EFR3B: variants seen among roughly 807,000 people sequenced by gnomAD.
EFR3B encodes protein EFR3 homolog B.
A neutral mutation model predicts 104.7 loss-of-function variants in EFR3B; 64 were observed. The observed-to-expected ratio is 0.61, with a 90% CI of 0.50 to 0.75. The LOEUF (loss-of-function observed/expected upper bound fraction) is 0.75, where lower values mean the gene tolerates loss of function less well. Ranked by LOEUF, EFR3B falls within the 30% of genes least tolerant of loss-of-function variation. The probability of loss-of-function intolerance (pLI) is 0.00; values close to 1 mark genes in which losing one functional copy is unlikely to be tolerated. For missense variants in EFR3B, 750 were observed against 1,078.5 expected, an observed-to-expected ratio of 0.70 and a Z score of 4.27; for synonymous variants, 385 against 417.9, an observed-to-expected ratio of 0.92 and a Z score of 0.96.
chr2:25,051,397 G>A (rs1667864373), intron 1 of EFR3B, among the ~76,000 whole-genome samples: 1 of 151,530 alleles, frequency 6.6e-6, no homozygotes, highest in Admixed American at 6.6e-5. Flanking sequence ...TTACAGGCGT[G>A]AGCCACCACG....
intron 1 of EFR3B, among the ~76,000 whole-genome samples, chr2:25,049,618 C>A (rs566722149): frequency 1.3e-5 from 2 of 152,194 alleles, no homozygotes; most frequent in South Asian, 4.1e-4. Context: ...GAGACCAGTG[C>A]GAGGTGGAGT....
intron 4 of EFR3B, among the ~76,000 whole-genome samples, chr2:25,112,167 C>G (rs762382194): frequency 6.6e-6 from 1 of 152,246 alleles, no homozygotes. Flanking sequence ...ATTTTCAGCA[C>G]TTTGGTTCAA....
intron 4 of EFR3B, among the ~76,000 whole-genome samples, chr2:25,121,350 C>G (rs993465378): frequency 2.0e-5 from 3 of 152,214 alleles, no homozygotes; most frequent in Non-Finnish European, 4.4e-5. Flanking sequence ...AGCCTCCCCG[C>G]CCCCGTGTGT....
chr2:25,125,495 G>A (rs1389476372), intron 5 of EFR3B, among the ~76,000 whole-genome samples: 2 of 152,246 alleles, frequency 1.3e-5, no homozygotes, highest in African/African-American at 4.8e-5. Context: ...TGTGGTCAGG[G>A]TCAGGACAGC....
rs1278697405 is a variant in EFR3B at position 25,131,525 on chromosome 2, T to C, written c.985+22T>C. The C allele has an allele frequency of 5.2e-6, 8 of 1,547,026 alleles. No homozygotes were observed. Among genetic ancestry groups the C allele is most frequent in the Middle Eastern group, 1.7e-4 (1 of 5,988 alleles). Reference sequence around the variant, plus strand: ...GTGGGTAAGGGGCATGGCTAGGGCCTGAGGGCCGGGGACCCCGCGGAGGCT... The same window carrying C: ...GTGGGTAAGGGGCATGGCTAGGGCCCGAGGGCCGGGGACCCCGCGGAGGCT... On this transcript the variant is annotated intron_variant, in intron 9 of 22. Coordinates refer to ENST00000403714, the MANE Select transcript of EFR3B (RefSeq NM_014971.2). The surrounding 1 kb of genome is among the most constrained non-coding windows in gnomAD (Gnocchi z 7.6).
chr2:25,058,085 G>A (rs1489451157), intron 1 of EFR3B: 1 of 152,186 alleles, frequency 6.6e-6, no homozygotes, highest in African/African-American at 2.4e-5. Context: ...GCTGAGGCGG[G>A]ATGATCACTG....
intron 4 of EFR3B, among the ~76,000 whole-genome samples, chr2:25,119,628 G>T (rs1333072319): frequency 6.6e-6 from 1 of 152,186 alleles, no homozygotes; most frequent in East Asian, 1.9e-4. Context: ...ATGCCACTTG[G>T]ATTTATTGCT....
chr2:25,133,391 G>A lies in EFR3B; in HGVS notation c.1268G>A (p.Arg423Lys). Residue 423 changes from arginine (R) to lysine (K), a missense_variant, in exon 12 of 23, where the codon AGG (arginine) becomes AAG (lysine). By Grantham distance (26) the Arg-to-Lys change is conservative. Coordinates refer to ENST00000403714, the MANE Select transcript of EFR3B (RefSeq NM_014971.2). Reference sequence around the variant, plus strand: ...GTGTCTCTGGTCTACAGGGAGAATAGGAACCGTCTGACCCAGATTATGCTG... The same window carrying A: ...GTGTCTCTGGTCTACAGGGAGAATAAGAACCGTCTGACCCAGATTATGCTG... ...AVDTGRTGEN[R>K]NRLTQIMLLK... 1.3e-6 allele frequency: 2 copies of A among 1,552,392 alleles called. No individual in the cohort carries two copies. The highest frequency in any genetic ancestry group is 1.4e-5 in the African/African-American group (1 of 73,150).
chr2:25,066,363 T>G (rs1301968008), intron 1 of EFR3B, among the ~76,000 whole-genome samples: 1 of 152,208 alleles, frequency 6.6e-6, no homozygotes, highest in Non-Finnish European at 1.5e-5. Context: ...TTTCCCCTCT[T>G]GGCCTAGCAT....
In EFR3B at chr2:25,133,023, C is replaced by A; in HGVS notation, c.1259+9C>A. The A allele has an allele frequency of 6.5e-7, 1 of 1,549,350 alleles. No individual in the cohort carries two copies. Among genetic ancestry groups the A allele is most frequent in the Non-Finnish European group, 8.7e-7 (1 of 1,144,902 alleles). On this transcript the variant is annotated intron_variant, in intron 11 of 22. Transcript: ENST00000403714. The stretch of plus-strand genomic sequence containing the variant: ...GACACAGGCAGGACGGGGTGAGCCA[C>A]CAATCTCCCCCAGCCTGGAGTCCTC...
intron 2 of EFR3B, among the ~76,000 whole-genome samples, chr2:25,092,261 G>T (rs968454547): frequency 5.3e-5 from 8 of 151,304 alleles, no homozygotes; most frequent in Non-Finnish European, 7.4e-5. Flanking sequence ...GCAGAGACGG[G>T]ATTTCACCAT....
At chr2:25,116,076 T>G (rs558171597) in intron 4 of EFR3B, 14 of 152,164 alleles carry the variant, frequency 9.2e-5, no homozygotes, top group Non-Finnish European at 1.3e-4. Flanking sequence ...CCCAGGCATG[T>G]TAAGAATGGC....
At chr2:25,069,319 C>T (rs572385705) in intron 1 of EFR3B, among the ~76,000 whole-genome samples, 4 of 152,268 alleles carry the variant, frequency 2.6e-5, no homozygotes, top group Admixed American at 1.3e-4. Flanking sequence ...CTGGTGGCCA[C>T]GATGTATCTT....
At chr2:25,120,045 A>G (rs7575363) in intron 4 of EFR3B, among the ~76,000 whole-genome samples, 41,632 of 152,114 alleles carry the variant, frequency 0.27, 6,031 homozygotes, top group East Asian at 0.46. Context: ...GTACTAGATT[A>G]ATAACAGTAA....
intron 17 of EFR3B, among the ~76,000 whole-genome samples, chr2:25,142,718 C>T (rs775531638): frequency 4.6e-5 from 7 of 151,688 alleles, no homozygotes; most frequent in Non-Finnish European, 8.8e-5. Context: ...GAGATCATGT[C>T]ACTGCACTCC....
chr2:25,045,539 T>A (rs1319000715), intron 1 of EFR3B, among the ~76,000 whole-genome samples: 4 of 152,098 alleles, frequency 2.6e-5, no homozygotes, highest in Non-Finnish European at 5.9e-5. Flanking sequence ...CCCAGCACTT[T>A]AGGAGGCTGA....
At position 25,149,699 on chromosome 2, in the gene EFR3B, G is replaced by A. The variant is rs959148058; in HGVS notation, c.2148G>A (p.Val716=). ...CTCTGTCCCTTCTCCTTCAGCGAGT[G>A]CCTGCCGAGGAGATCACCTATGAGA... is the stretch of plus-strand genomic sequence containing the variant. The part of the protein sequence containing the change: ...SRNSPEKEER[V]PAEEITYETL... Residue 716 remains valine, a synonymous_variant, in exon 20 of 23, where the codon GTG becomes GTA. Coordinates refer to ENST00000403714, the MANE Select transcript of EFR3B (RefSeq NM_014971.2). The A allele has an allele frequency of 1.3e-6, 2 of 1,551,440 alleles. No homozygotes were observed. Among genetic ancestry groups the A allele is most frequent in the Non-Finnish European group, 8.7e-7 (1 of 1,146,880 alleles).
rs1297198889 is a variant in EFR3B at position 25,149,075 on chromosome 2, GCA to G, written c.2143-616_2143-615del. On this transcript the variant is annotated intron_variant, in intron 19 of 22. Coordinates refer to ENST00000403714, the MANE Select transcript of EFR3B (RefSeq NM_014971.2). ...GTTTTAAAATTGCAGTATTGGCTGG[GCA>G]CAGTGGCTCACACCTATAATCCCAG... Among the ~76,000 whole-genome samples the G allele has an allele frequency of 1.1e-4, 16 of 152,124 alleles. No individual in the cohort carries two copies. The East Asian group carries it at 3.1e-3, about 29-fold the overall frequency.
intron 17 of EFR3B, among the ~76,000 whole-genome samples, chr2:25,142,604 CA>C (rs1296703671): frequency 1.3e-5 from 2 of 151,186 alleles, no homozygotes; most frequent in African/African-American, 4.9e-5. Context: ...ACTAAAAATA[CA>C]AAAATTAGCC....
Sources: allele counts gnomAD v4.1 joint callset (sites outside exome capture counted in the v4.1 genomes callset), GRCh38; gene constraint gnomAD v4.1.1; non-coding constraint Gnocchi (gnomAD v3.1); transcripts MANE v1.5; gene names NCBI Gene and HGNC (gene_info 2026-07-23, HGNC 2026-07-21).